Variants in KCTD19 observed in about 807,000 individuals in gnomAD.
KCTD19 encodes potassium channel tetramerization domain containing 19, also known as BTB/POZ domain-containing protein KCTD19.
A neutral mutation model predicts 103.5 loss-of-function variants in KCTD19; 67 were observed. The ratio of observed to expected loss-of-function variants is 0.65; its 90% CI spans 0.53 to 0.79. The LOEUF is 0.79. KCTD19 is among the 30% of genes least tolerant of loss of function. The probability of loss-of-function intolerance (pLI) is 0.00; values close to 1 mark genes in which losing one functional copy is unlikely to be tolerated. For missense variants in KCTD19, 980 were observed against 1,136.1 expected, an observed-to-expected ratio of 0.86 and a Z score of 1.98; for synonymous variants, 439 against 452.2, an observed-to-expected ratio of 0.97 and a Z score of 0.37.
At chr16:67,325,330 GCCT>G (rs1217699476) in intron 1 of KCTD19, among the ~76,000 whole-genome samples, 3 of 150,654 alleles carry the variant, frequency 2.0e-5, no homozygotes, top group Admixed American at 6.6e-5. Flanking sequence ...TCAGCCTCCA[GCCT>G]CCTCAAGTAG....
In KCTD19 at chr16:67,295,318, G is replaced by A. The variant is rs1033185025; in HGVS notation, c.1336C>T (p.Arg446Ter). 3.1e-6 allele frequency: 5 copies of A among 1,614,050 alleles called. No homozygotes were observed. The highest frequency in any genetic ancestry group is 1.3e-5 in the African/African-American group (1 of 74,922). ...LLIHGDGQMF[R>*]HILNFLRLGK... ...AGTCTCAGGAAGTTGAGAATGTGTCGGAACATCTGGCCATCCCCGTGGATG... is the reference window on the plus strand; with the variant it reads ...AGTCTCAGGAAGTTGAGAATGTGTCAGAACATCTGGCCATCCCCGTGGATG... The change falls in exon 9 of 16, where the codon CGA becomes TGA. Residue 446 changes from arginine to a stop codon, truncating the protein, a stop_gained. Transcript: ENST00000304372. LOFTEE classifies it high-confidence loss of function.
Position 67,301,800 on chromosome 16 carries a change from T to C in KCTD19, c.766A>G (p.Met256Val), listed in dbSNP as rs370309270. Residue 256 changes from methionine to valine, a missense_variant, in exon 5 of 16, where the codon ATG (methionine) becomes GTG (valine). Met to Val is a conservative substitution (Grantham distance 21). Transcript: ENST00000304372. ...ALTEAVRWYR[M>V]NMGGCSPTTC... ...TTTCCTGGCGACATACCCATGTTCA[T>C]CCGGTACCACCTTACGGCTTCAGTG... The C allele has an allele frequency of 8.1e-5, 130 of 1,614,064 alleles. 2 individuals carry two copies. In the South Asian group the frequency reaches 1.4e-3, roughly 17 times the overall value.
chr16:67,299,606 C>A, intron 5 of KCTD19, 33 bp from the exon 6 acceptor site: 1 of 1,563,090 alleles, frequency 6.4e-7, no homozygotes, highest in Non-Finnish European at 8.7e-7. Context: ...ACTCCTAGGC[C>A]CCCCATGGTC....
rs776521902 is a variant in KCTD19, at chr16:67,293,734, A to T, written c.2028T>A (p.Ala676=). 5.0e-6 allele frequency: 8 copies of T among 1,613,942 alleles called. No homozygotes were observed. In the South Asian group the frequency reaches 8.8e-5, roughly 18 times the overall value. The part of the protein sequence containing the change: ...ATLQLPLGSE[A]ASQPSTSAAW... ...CAGCTGAGGTGCTGGGCTGGGAAGCAGCCTCGCTTCCCAAGGGGAGCTGCA... is the reference window on the plus strand; with the variant it reads ...CAGCTGAGGTGCTGGGCTGGGAAGCTGCCTCGCTTCCCAAGGGGAGCTGCA... The change falls in exon 12 of 16, where the codon GCT becomes GCA. Residue 676 remains alanine, a synonymous_variant. Transcript: ENST00000304372. The surrounding 1 kb of genome is among the most constrained non-coding windows in gnomAD (Gnocchi z 4.0).
chr16:67,299,755 G>C, intron 5 of KCTD19, 182 bp from the exon 6 acceptor site: 1 of 581,882 alleles, frequency 1.7e-6, no homozygotes, highest in South Asian at 2.4e-5. Context: ...GTATACTCAG[G>C]CTTAGAAGTC....
chr16:67,294,013 G>GC lies in KCTD19; in HGVS notation c.1748dup (p.Asn584GlnfsTer3). On this transcript the variant is annotated frameshift_variant, in exon 12 of 16. Coordinates refer to ENST00000304372, the MANE Select transcript of KCTD19 (RefSeq NM_001100915.3). LOFTEE classifies it high-confidence loss of function. ...GGCAGTGTGAGTATGTGCTAGGGTTGCCAGCCCTCTTGGCATTTCGGCATA... is the reference window on the plus strand; with the variant it reads ...GGCAGTGTGAGTATGTGCTAGGGTTGCCCAGCCCTCTTGGCATTTCGGCATA... 8 of 1,614,154 alleles carry GC rather than the reference G, an allele frequency of 5.0e-6. No individual in the cohort carries two copies. Among genetic ancestry groups the GC allele is most frequent in the Non-Finnish European group, 6.8e-6 (8 of 1,180,020 alleles).
chr16:67,296,121 T>C (rs1040950192), intron 8 of KCTD19, 38 bp downstream of exon 8: 3 of 1,217,840 alleles, frequency 2.5e-6, no homozygotes, highest in Admixed American at 1.7e-5. Context: ...CAGGTGGTGA[T>C]GCCAGATGGG....
At chr16:67,298,582 T>G (rs1300938910) in intron 6 of KCTD19, among the ~76,000 whole-genome samples, 1 of 152,144 alleles carries the variant, frequency 6.6e-6, no homozygotes, top group African/African-American at 2.4e-5. Context: ...AAACCCTCCC[T>G]TCCAAGGCAC....
At position 67,294,555 on chromosome 16, in the gene KCTD19, C is replaced by A. The variant is rs763454281; in HGVS notation, c.1590+25G>T. On this transcript the variant is annotated intron_variant, in intron 11 of 15. Coordinates refer to ENST00000304372, the MANE Select transcript of KCTD19 (RefSeq NM_001100915.3). ...GTGGTAGTGGTTTTTGAGGATAACA[C>A]CAACCAGAGGAGGCTGGTGCTTACT... 9.2e-6 allele frequency: 14 copies of A among 1,528,022 alleles called. No individual in the cohort carries two copies. The African/African-American group carries it at 1.5e-4, about 16-fold the overall frequency. 94.7% of individuals were successfully genotyped at this position (1,528,022 alleles called of 1,614,324 possible).
At chr16:67,322,143 T>A (rs2037081226) in intron 1 of KCTD19, among the ~76,000 whole-genome samples, 1 of 152,284 alleles carries the variant, frequency 6.6e-6, no homozygotes, top group South Asian at 2.1e-4. Context: ...GATGATTCAA[T>A]GGACAAAGAA....
chr16:67,307,159 T>C (rs569040645), intron 2 of KCTD19, among the ~76,000 whole-genome samples: 1 of 152,260 alleles, frequency 6.6e-6, no homozygotes, highest in Non-Finnish European at 1.5e-5. Flanking sequence ...ACGTCATTTT[T>C]TTTTTTTGAG....
chr16:67,297,426 G>T, intron 7 of KCTD19, 77 bp downstream of exon 7: 1 of 1,411,394 alleles, frequency 7.1e-7, no homozygotes, highest in Non-Finnish European at 9.9e-7. Context: ...CCTCGTCCTG[G>T]CCACATCATC....
intron 1 of KCTD19, chr16:67,321,743 C>CGGATCTTAA (rs1426140890): frequency 6.6e-6 from 1 of 152,100 alleles, no homozygotes; most frequent in African/African-American, 2.4e-5. Flanking sequence ...TCTCCTACAA[C>CGGATCTTAA]GGATCTTAAG....
At chr16:67,326,201 C>G (rs2037164743) in intron 1 of KCTD19, 1 of 153,812 alleles carries the variant, frequency 6.5e-6, no homozygotes, top group South Asian at 2.0e-4. Flanking sequence ...GCTGGGATTA[C>G]AGGCGTGAGA....
At chr16:67,298,401 A>C (rs1399320302) in intron 6 of KCTD19, among the ~76,000 whole-genome samples, 1 of 152,116 alleles carries the variant, frequency 6.6e-6, no homozygotes, top group African/African-American at 2.4e-5. Context: ...AAGCCCTCTA[A>C]ATGGACTAAT....
chr16:67,290,167 C>CTTTTTTTTT (rs11296444), intron 15 of KCTD19, among the ~76,000 whole-genome samples: 2 of 69,286 alleles, frequency 2.9e-5, no homozygotes, highest in African/African-American at 5.8e-5. Context: ...TGAATATTTT[C>CTTTTTTTTT]TTTTTTTTTT....
chr16:67,321,153 T>G (rs2037069021), intron 1 of KCTD19, among the ~76,000 whole-genome samples: 1 of 152,080 alleles, frequency 6.6e-6, no homozygotes, highest in African/African-American at 2.4e-5. Context: ...ATTGTGCCAC[T>G]GTACTCTGGC....
chr16:67,315,311 CTTTTT>C (rs771972233), intron 2 of KCTD19, among the ~76,000 whole-genome samples: 4 of 141,562 alleles, frequency 2.8e-5, no homozygotes, highest in African/African-American at 1.0e-4. Flanking sequence ...AACTATTCCT[CTTTTT>C]TTTTTTTTTG....
chr16:67,293,554 G>C lies in KCTD19; in HGVS notation c.2208C>G (p.Thr736=), dbSNP rs770207839. 1.3e-5 allele frequency: 21 copies of C among 1,613,764 alleles called. No homozygotes were observed. In the East Asian group the frequency reaches 4.2e-4, roughly 33 times the overall value. The change falls in exon 12 of 16, where the codon ACC becomes ACG. Residue 736 remains threonine (T), a synonymous_variant. Transcript: ENST00000304372. This position sits in a 1 kb window ranked among gnomAD's most constrained non-coding sequence, Gnocchi z 4.0. ...GGGGACAGGACTCACCTCTCTCCTT[G>C]GTCCTCTGCTTGCTCCAGTCCTTCA... The part of the protein sequence containing the change: ...GTLKDWSKQR[T]KERESPAPEQ...
Sources: allele counts gnomAD v4.1 joint callset (sites outside exome capture counted in the v4.1 genomes callset), GRCh38; gene constraint gnomAD v4.1.1; non-coding constraint Gnocchi (gnomAD v3.1); transcripts MANE v1.5; gene names NCBI Gene and HGNC (gene_info 2026-07-23, HGNC 2026-07-21).